The following TAS1R1 variants were observed in gnomAD, a reference collection of about 807,000 sequenced individuals.
TAS1R1 encodes the protein taste 1 receptor member 1.
TAS1R1 carries 31 observed loss-of-function variants against 45.8 expected under a neutral mutation model. That is an observed-to-expected ratio of 0.68 (90% confidence interval 0.51 to 0.91). The LOEUF (loss-of-function observed/expected upper bound fraction) is 0.91, where lower values mean the gene tolerates loss of function less well. Among genes scored for constraint, TAS1R1 ranks in the 40% least tolerant of loss-of-function variants. The probability of loss-of-function intolerance (pLI) is 0.00; values close to 1 mark genes in which losing one functional copy is unlikely to be tolerated. For missense variants in TAS1R1, 1,051 were observed against 1,063.9 expected, an observed-to-expected ratio of 0.99 and a Z score of 0.17; for synonymous variants, 437 against 448.4, an observed-to-expected ratio of 0.97 and a Z score of 0.32.
chr1:6,578,962 A>G lies in TAS1R1; in HGVS notation c.1904A>G (p.Gln635Arg), dbSNP rs765314301. The stretch of plus-strand genomic sequence containing the variant: ...ACAAGGCCTGCGTGCTTGCTACGCC[A>G]GGCCCTCTTTGCCCTTGGTTTCACC... ...EPTRPACLLR[Q>R]ALFALGFTIF... is the part of the protein sequence containing the mutation. The change falls in exon 6 of 6, where the codon CAG becomes CGG. Residue 635 changes from glutamine (Q) to arginine (R), a missense_variant. Physicochemically the swap from Gln to Arg is conservative, Grantham distance 43 (BLOSUM62 1). Transcript: ENST00000333172. 1 of 1,614,162 alleles carries G rather than the reference A, an allele frequency of 6.2e-7. No homozygotes were observed. Among genetic ancestry groups the G allele is most frequent in the East Asian group, 2.2e-5 (1 of 44,886 alleles).
rs763298110 is a variant in TAS1R1 at position 6,577,018 on chromosome 1, C to G, written c.1542C>G (p.His514Gln). The G allele has an allele frequency of 3.1e-6, 5 of 1,614,142 alleles. No individual in the cohort carries two copies. In the African/African-American group the frequency reaches 6.7e-5, roughly 22 times the overall value. The change falls in exon 5 of 6, where the codon CAC becomes CAG. Residue 514 changes from histidine (H) to glutamine (Q), a missense_variant. His to Gln is a conservative substitution (Grantham distance 24, BLOSUM62 0). Coordinates refer to ENST00000333172, the MANE Select transcript of TAS1R1 (RefSeq NM_138697.4). ...GHQRVVTGFH[H>Q]CCFECVPCGA... The stretch of plus-strand genomic sequence containing the variant: ...AGCGAGTGGTTACGGGTTTCCATCA[C>G]TGCTGCTTTGAGTGTGTGCCCTGTG...
chr1:6,567,740 AG>A (rs1381056375), intron 1 of TAS1R1, among the ~76,000 whole-genome samples: 1 of 152,070 alleles, frequency 6.6e-6, no homozygotes, highest in Non-Finnish European at 1.5e-5. Context: ...GTCTCACTCA[AG>A]GGGAGGTGAT....
At chr1:6,571,245 C>G in intron 2 of TAS1R1, 30 bp downstream of exon 2, 1 of 1,532,546 alleles carries the variant, frequency 6.5e-7, no homozygotes, top group Non-Finnish European at 8.8e-7. Context: ...CTTTGCCCAT[C>G]TCCCTTCAGG....
rs552097349 is a variant in TAS1R1, at chr1:6,579,127, AG to A, written c.2070del (p.Gln690HisfsTer6). The A allele has an allele frequency of 3.7e-4, 596 of 1,614,192 alleles. No individual in the cohort carries two copies. Among genetic ancestry groups the A allele is most frequent in the Admixed American group, 9.3e-4 (56 of 60,024 alleles). On this transcript the variant is annotated frameshift_variant, in exon 6 of 6. Transcript: ENST00000333172. LOFTEE classifies it low-confidence loss of function (END_TRUNC). ...TTTGTGATGATCAGCTCAGCGGCCC[AG>A]CTGCTTATCTGTCTAACTTGGCTGG... is the stretch of plus-strand genomic sequence containing the variant. ...GLFVMISSAA[Q>X]LLICLTWLVV...
In TAS1R1 at chr1:6,575,167, C is replaced by A. The variant is rs1475522597; in HGVS notation, c.1035C>A (p.Asp345Glu). 1.3e-6 allele frequency: 2 copies of A among 1,596,888 alleles called. No homozygotes were observed. Among genetic ancestry groups the A allele is most frequent in the East Asian group, 2.2e-5 (1 of 44,828 alleles). Residue 345 changes from aspartate (D) to glutamate (E), a missense_variant, in exon 3 of 6, where the codon GAC becomes GAA. By Grantham distance (45) the Asp-to-Glu change is conservative. Coordinates refer to ENST00000333172, the MANE Select transcript of TAS1R1 (RefSeq NM_138697.4). ...KAFEEAYARADKKAPRPCHKG... is the reference protein window; with the variant it reads ...KAFEEAYARAEKKAPRPCHKG... Reference sequence around the variant, plus strand: ...TTGAAGAAGCCTATGCCCGGGCAGACAAGAAGGCCCCTAGGCCTTGCCACA... The same window carrying A: ...TTGAAGAAGCCTATGCCCGGGCAGAAAAGAAGGCCCCTAGGCCTTGCCACA...
chr1:6,565,600 G>A (rs941602383), intron 1 of TAS1R1, among the ~76,000 whole-genome samples: 1 of 152,112 alleles, frequency 6.6e-6, no homozygotes, highest in Non-Finnish European at 1.5e-5. Flanking sequence ...GCGGTTACAA[G>A]GGCGTTTTTT....
At chr1:6,561,228 G>A (rs1479779038) in intron 1 of TAS1R1, among the ~76,000 whole-genome samples, 1 of 152,194 alleles carries the variant, frequency 6.6e-6, no homozygotes, top group African/African-American at 2.4e-5. Context: ...AAAACTACTG[G>A]GGCCAGGAGT....
intron 1 of TAS1R1, among the ~76,000 whole-genome samples, chr1:6,556,251 C>T (rs1459508080): frequency 6.6e-6 from 1 of 152,120 alleles, no homozygotes; most frequent in Non-Finnish European, 1.5e-5. Context: ...GTAGGATTCT[C>T]CATGGTTCTT....
intron 1 of TAS1R1, among the ~76,000 whole-genome samples, chr1:6,570,232 G>A (rs538239763): frequency 6.6e-6 from 1 of 152,112 alleles, no homozygotes; most frequent in Non-Finnish European, 1.5e-5. Context: ...ACTAGGGGGT[G>A]TAAGTATATT....
intron 2 of TAS1R1, among the ~76,000 whole-genome samples, chr1:6,573,318 G>A (rs567303350): frequency 1.7e-4 from 26 of 152,254 alleles, no homozygotes; most frequent in African/African-American, 4.8e-4. Flanking sequence ...TTAGCCAGGC[G>A]TGGTGGCAGG....
rs1640170548 is a variant in TAS1R1, at chr1:6,576,309, G to A, written c.1261-106G>A. ...GGAAGGGACGAGACCTTCCTGATGG[G>A]CTGAAACCACCAGGACGGAAACCCA... On this transcript the variant is annotated intron_variant, in intron 3 of 5. Transcript: ENST00000333172. 5.6e-6 allele frequency: 6 copies of A among 1,077,248 alleles called. No homozygotes were observed. In the Admixed American group the frequency reaches 9.7e-5, roughly 17 times the overall value. 66.7% of individuals were successfully genotyped at this position (1,077,248 alleles called of 1,614,324 possible). A position where few individuals can be genotyped will look rare whatever the true frequency, so the allele number is the denominator to read the frequency against.
chr1:6,575,588 G>A (rs1048487234), intron 3 of TAS1R1, among the ~76,000 whole-genome samples, 196 bp downstream of exon 3: 9 of 152,040 alleles, frequency 5.9e-5, no homozygotes, highest in Non-Finnish European at 1.3e-4. Context: ...ATGCGATCTC[G>A]GCTCTCTGCA....
At chr1:6,577,370 C>A (rs1044129582) in intron 5 of TAS1R1, among the ~76,000 whole-genome samples, 1 of 151,292 alleles carries the variant, frequency 6.6e-6, no homozygotes, top group African/African-American at 2.4e-5. Context: ...CCCATCTCTA[C>A]CAAAAATATA....
At chr1:6,571,292 TC>T (rs34514006) in intron 2 of TAS1R1, 77 bp downstream of exon 2, 1,385,955 of 1,425,018 alleles carry the variant, frequency 0.97, 676,419 homozygotes, top group Non-Finnish European at 0.99. Context: ...AGAGCTGCTG[TC>T]CCCCCCAAGG....
rs1553185410 is a variant in TAS1R1 at position 6,555,866 on chromosome 1, C to CCTTTTTTTTTTT, written c.191+302_191+303insCTTTTTTTTTTT. On this transcript the variant is annotated intron_variant, in intron 1 of 5. Coordinates refer to ENST00000333172, the MANE Select transcript of TAS1R1 (RefSeq NM_138697.4). ...AAGCAAGGGCAGCTTTTTCCCTCTT[C>CCTTTTTTTTTTT]TTTTTTTTTTTTTTTTTTTTTTTGA... Among the ~76,000 whole-genome samples, 29 of 95,340 alleles carry CCTTTTTTTTTTT rather than the reference C, an allele frequency of 3.0e-4. 1 individual carries two copies. Among genetic ancestry groups the CCTTTTTTTTTTT allele is most frequent in the South Asian group, 1.5e-3 (4 of 2,626 alleles). 62.5% of individuals were successfully genotyped at this position (95,340 alleles called of 152,430 possible). A position where few individuals can be genotyped will look rare whatever the true frequency, so the allele number is the denominator to read the frequency against.
rs188367713 is a variant in TAS1R1 at position 6,559,660 on chromosome 1, A to G, written c.191+4096A>G. On this transcript the variant is annotated intron_variant, in intron 1 of 5. Transcript: ENST00000333172. ...GGCGACAGAGCGAGACTCCCTCTCAAAAAAAAAAAAAAAGCCTGAGGTTTT... is the reference window on the plus strand; with the variant it reads ...GGCGACAGAGCGAGACTCCCTCTCAGAAAAAAAAAAAAAGCCTGAGGTTTT... Among the ~76,000 whole-genome samples, 1,417 of 144,802 alleles carry G rather than the reference A, an allele frequency of 9.8e-3. 19 individuals are homozygous for G. The highest frequency in any genetic ancestry group is 0.068 in the Middle Eastern group (19 of 280). 95.0% of individuals were successfully genotyped at this position (144,802 alleles called of 152,430 possible).
At chr1:6,568,381 G>C (rs1639919121) in intron 1 of TAS1R1, among the ~76,000 whole-genome samples, 1 of 151,910 alleles carries the variant, frequency 6.6e-6, no homozygotes, top group African/African-American at 2.4e-5. Flanking sequence ...CGTGAACCCG[G>C]GAGGCGGAGC....
Position 6,561,482 on chromosome 1 carries a change from C to T in TAS1R1, c.191+5918C>T, listed in dbSNP as rs181706593. Reference sequence around the variant, plus strand: ...ATCCCAGCACTTTGGGAGGCAGAGGCGGGCTGATCATGAGGTCAGGAGATC... The same window carrying T: ...ATCCCAGCACTTTGGGAGGCAGAGGTGGGCTGATCATGAGGTCAGGAGATC... On this transcript the variant is annotated intron_variant, in intron 1 of 5. Transcript: ENST00000333172. Among the ~76,000 whole-genome samples, 361 of 152,160 alleles carry T rather than the reference C, an allele frequency of 2.4e-3. 2 individuals are homozygous for T. The highest frequency in any genetic ancestry group is 8.3e-3 in the African/African-American group (343 of 41,512).
chr1:6,555,849 G>T (rs945945267), intron 1 of TAS1R1, among the ~76,000 whole-genome samples: 1 of 138,034 alleles, frequency 7.2e-6, no homozygotes, highest in Non-Finnish European at 1.6e-5. Flanking sequence ...CTAAGCAAGG[G>T]CAGCTTTTTC....
Sources: allele counts gnomAD v4.1 joint callset (sites outside exome capture counted in the v4.1 genomes callset), GRCh38; gene constraint gnomAD v4.1.1; transcripts MANE v1.5; gene names NCBI Gene and HGNC (gene_info 2026-07-23, HGNC 2026-07-21).